The following SRRM4 variants were observed in gnomAD, a reference collection of about 807,000 sequenced individuals.
The protein encoded by SRRM4 is serine/arginine repetitive matrix 4, also known as serine/arginine repetitive matrix protein 4.
In SRRM4, 33 loss-of-function variants were observed where a neutral mutation model predicts 68.9. That is an observed-to-expected ratio of 0.48 (90% CI 0.36 to 0.64). The LOEUF (loss-of-function observed/expected upper bound fraction) is 0.64. SRRM4 is among the 30% of genes least tolerant of loss of function. SRRM4 has a pLI of 0.00. For synonymous variants in SRRM4, 318 were observed against 318.8 expected, an observed-to-expected ratio of 1.00 and a Z score of 0.03; for missense variants, 817 against 827.1, an observed-to-expected ratio of 0.99 and a Z score of 0.15.
chr12:119,016,225 C>G (rs535649941), intron 1 of SRRM4, among the ~76,000 whole-genome samples: 19 of 152,112 alleles, frequency 1.2e-4, no homozygotes, highest in Non-Finnish European at 2.4e-4. Flanking sequence ...CCTAACAACA[C>G]CTTGATTTTG....
chr12:119,148,098 A>G (rs1954415976), intron 9 of SRRM4, among the ~76,000 whole-genome samples: 1 of 152,198 alleles, frequency 6.6e-6, no homozygotes, highest in Admixed American at 6.5e-5. Flanking sequence ...TCATGCTAAC[A>G]GTGAGGTTTT....
intron 1 of SRRM4, among the ~76,000 whole-genome samples, chr12:118,996,150 T>A (rs954308242): frequency 2.0e-5 from 3 of 152,204 alleles, no homozygotes; most frequent in Non-Finnish European, 4.4e-5. Context: ...GGGAACTAAC[T>A]ACCAGCTCAA....
chr12:119,074,846 T>C (rs528500580), intron 1 of SRRM4, among the ~76,000 whole-genome samples: 103 of 152,306 alleles, frequency 6.8e-4, no homozygotes, highest in African/African-American at 2.4e-3. Flanking sequence ...ATCACATACA[T>C]ATGACACACT....
intron 2 of SRRM4, among the ~76,000 whole-genome samples, chr12:119,108,748 C>T (rs963959554): frequency 1.3e-5 from 2 of 152,064 alleles, no homozygotes; most frequent in Non-Finnish European, 2.9e-5. Context: ...GAATACAGCA[C>T]ATTGATGGGT....
chr12:119,129,793 A>C (rs765454358), intron 7 of SRRM4, among the ~76,000 whole-genome samples: 1 of 152,232 alleles, frequency 6.6e-6, no homozygotes, highest in Non-Finnish European at 1.5e-5. Flanking sequence ...GAATGGATGA[A>C]TAGATTGTTG....
chr12:119,147,814 G>A (rs546860120), intron 9 of SRRM4, among the ~76,000 whole-genome samples: 3 of 152,172 alleles, frequency 2.0e-5, no homozygotes, highest in South Asian at 2.1e-4. Flanking sequence ...TTCGTCATCC[G>A]CTTAACTCTC....
intron 1 of SRRM4, among the ~76,000 whole-genome samples, chr12:118,986,299 G>T (rs571827518): frequency 6.6e-6 from 1 of 152,270 alleles, no homozygotes; most frequent in East Asian, 1.9e-4. Flanking sequence ...GGCGGTGAAT[G>T]AGCGTTTTTC....
intron 1 of SRRM4, among the ~76,000 whole-genome samples, chr12:119,009,788 G>A (rs1370553116): frequency 2.0e-5 from 3 of 152,142 alleles, no homozygotes; most frequent in Admixed American, 6.5e-5. Flanking sequence ...ATGTGGGGTG[G>A]GAGTGCAGAC....
chr12:119,140,039 C>A (rs997454424), intron 8 of SRRM4, among the ~76,000 whole-genome samples: 1 of 152,144 alleles, frequency 6.6e-6, no homozygotes, highest in Non-Finnish European at 1.5e-5. Flanking sequence ...TAGAAACATT[C>A]CAATTACACT....
chr12:119,152,782 G>GCT (rs1954447759), intron 10 of SRRM4, among the ~76,000 whole-genome samples: 1 of 152,230 alleles, frequency 6.6e-6, no homozygotes, highest in Non-Finnish European at 1.5e-5. Context: ...GAAGGGAAGA[G>GCT]CTATTCCTGC....
chr12:119,089,773 CATT>C (rs1954003188), intron 1 of SRRM4, among the ~76,000 whole-genome samples: 2 of 152,080 alleles, frequency 1.3e-5, no homozygotes, highest in East Asian at 3.9e-4. Context: ...TCATCCTCAC[CATT>C]ATTACCATGA....
chr12:118,989,610 G>A (rs28561855), intron 1 of SRRM4: 7,550 of 150,718 alleles, frequency 0.05, 231 homozygotes, highest in East Asian at 0.13. Context: ...GCCTCTGTGC[G>A]GAGCTCTGTG....
chr12:119,128,448 A>G (rs1954274212), intron 7 of SRRM4, among the ~76,000 whole-genome samples: 1 of 152,140 alleles, frequency 6.6e-6, no homozygotes, highest in Non-Finnish European at 1.5e-5. Flanking sequence ...CAAACCACCT[A>G]TCACCAGCCC....
intron 1 of SRRM4, among the ~76,000 whole-genome samples, chr12:119,000,088 C>T (rs527760565): frequency 3.3e-5 from 5 of 152,270 alleles, no homozygotes; most frequent in East Asian, 1.9e-4. Flanking sequence ...CTACTTTGTA[C>T]AGTACAGCAA....
chr12:119,133,678 T>C (rs1339461351), intron 8 of SRRM4, among the ~76,000 whole-genome samples: 2 of 152,194 alleles, frequency 1.3e-5, no homozygotes, highest in African/African-American at 2.4e-5. Flanking sequence ...CCCAAGTTTT[T>C]CTCTCTGTTA....
At chr12:119,033,605 C>A (rs7977027) in intron 1 of SRRM4, among the ~76,000 whole-genome samples, 54,980 of 151,016 alleles carry the variant, frequency 0.36, 10,183 homozygotes, top group Admixed American at 0.41. Flanking sequence ...CGGAGGTCGC[C>A]GTGAGCAGAG....
chr12:119,105,835 A>G (rs1181091068), intron 2 of SRRM4, among the ~76,000 whole-genome samples: 2 of 151,608 alleles, frequency 1.3e-5, no homozygotes, highest in Non-Finnish European at 2.9e-5. Flanking sequence ...ATTAGATCCC[A>G]TTTGTCAATT....
In SRRM4 at chr12:119,158,144, A is replaced by T. The variant is rs2136072035; in HGVS notation, c.*1346A>T. ...GCTTCATCCACAGAAGGCGCTAAGA[A>T]CGGGGAGGTGAGGAATAAGATCCTT... On this transcript the variant is annotated 3_prime_UTR_variant, in exon 13 of 13. Coordinates refer to ENST00000267260, the MANE Select transcript of SRRM4 (RefSeq NM_194286.4). The T allele has an allele frequency of 6.5e-6, 1 of 152,818 alleles. No homozygotes were observed. The highest frequency in any genetic ancestry group is 2.1e-4 in the South Asian group (1 of 4,822). 9.5% of individuals were successfully genotyped at this position (152,818 alleles called of 1,614,324 possible).
In SRRM4 at chr12:119,130,810, T is replaced by C; in HGVS notation, c.747T>C (p.Leu249=). Residue 249 remains leucine, a synonymous_variant, in exon 8 of 13, where the codon CTT becomes CTC. Coordinates refer to ENST00000267260, the MANE Select transcript of SRRM4 (RefSeq NM_194286.4). ...SRPPSQPLQM[L]GYLSARGVIT... ...CGCCCAGTCAACCCCTCCAGATGCT[T>C]GGCTACCTGTCAGCCAGGGGTGTAG... 9 of 1,606,580 alleles carry C rather than the reference T, an allele frequency of 5.6e-6. No homozygotes were observed. Among genetic ancestry groups the C allele is most frequent in the Non-Finnish European group, 7.6e-6 (9 of 1,179,726 alleles).
Sources: allele counts gnomAD v4.1 joint callset (sites outside exome capture counted in the v4.1 genomes callset), GRCh38; gene constraint gnomAD v4.1.1; transcripts MANE v1.5; gene names NCBI Gene and HGNC (gene_info 2026-07-23, HGNC 2026-07-21).